The following BRI3 variants were observed in gnomAD, a reference collection of about 807,000 sequenced individuals.
BRI3 encodes the protein membrane protein BRI3.
A neutral mutation model predicts 12.8 loss-of-function variants in BRI3; 6 were observed. That is an observed-to-expected ratio of 0.47 (90% CI 0.26 to 0.93). The LOEUF (loss-of-function observed/expected upper bound fraction) is 0.93. BRI3 is among the 40% of genes least tolerant of loss of function. The probability of loss-of-function intolerance (pLI) is 0.15; values close to 1 mark genes in which losing one functional copy is unlikely to be tolerated. For synonymous variants in BRI3, 91 were observed against 76.1 expected (o/e 1.20, Z -1.02); for missense variants, 134 against 171.1 (o/e 0.78, Z 1.21).
At chr7:98,306,598 A>C in exon 1 of BRI3, 30 of 1,591,430 alleles carry the variant, frequency 1.9e-5, no homozygotes, top group Non-Finnish European at 2.4e-5. Flanking sequence ...GTGAGAGCTC[A>C]GGGCAGACAG....
At chr7:98,294,143 C>A, downstream of BRI3, 1 of 1,610,014 alleles carries the variant, frequency 6.2e-7, no homozygotes, top group South Asian at 1.1e-5. Flanking sequence ...TTATGGAGGG[C>A]TTAGAATTGG....
chr7:98,282,033 G>T lies in BRI3; in HGVS notation c.142+96G>T, dbSNP rs1204618582. 11 of 1,304,282 alleles carry T rather than the reference G, an allele frequency of 8.4e-6. No homozygotes were observed. In the South Asian group the frequency reaches 1.3e-4, roughly 16 times the overall value. 80.8% of individuals were successfully genotyped at this position (1,304,282 alleles called of 1,614,324 possible). ...GGAGGCGGGTGGGGCCCGCCCGGGG[G>T]TCCTTCCTGGAGCTGGAGGTCCCCG... On this transcript the variant is annotated intron_variant, in intron 1 of 2. Coordinates refer to ENST00000297290, the MANE Select transcript of BRI3 (RefSeq NM_015379.5).
At chr7:98,307,321 G>A (rs1373867307) in intron 1 of BRI3, 1 of 897,800 alleles carries the variant, frequency 1.1e-6, no homozygotes, top group African/African-American at 1.8e-5. Flanking sequence ...GGCCAGGCTG[G>A]TCTGGAACTC....
chr7:98,290,442 G>A (rs190546597), intron 2 of BRI3, among the ~76,000 whole-genome samples: 1,829 of 151,708 alleles, frequency 0.012, 27 homozygotes, highest in South Asian at 0.04. Context: ...TGATCCACCC[G>A]CCTCGGCCTC....
chr7:98,311,472 C>T (rs1359418576), downstream of BRI3, among the ~76,000 whole-genome samples: 1 of 151,026 alleles, frequency 6.6e-6, no homozygotes. Flanking sequence ...ACCCAGGAGA[C>T]GGAGCCTACA....
the BRI3 span, chr7:98,317,444 G>A: frequency 6.6e-7 from 1 of 1,509,330 alleles, no homozygotes; most frequent in Non-Finnish European, 9.0e-7. Context: ...CACTGTGTGT[G>A]GCTCAACGGG....
chr7:98,291,056 G>T (rs1489931096), intron 2 of BRI3, 55 bp from the exon 3 acceptor site: 1 of 1,605,596 alleles, frequency 6.2e-7, no homozygotes, highest in African/African-American at 1.3e-5. Context: ...AGGGGTGAGG[G>T]TTCTGGCTGC....
exon 2 of BRI3, chr7:98,307,730 C>A: frequency 6.2e-7 from 1 of 1,614,250 alleles, no homozygotes; most frequent in East Asian, 2.2e-5. Flanking sequence ...AGCCATCCTT[C>A]TCCTCGGGGA....
downstream of BRI3, among the ~76,000 whole-genome samples, chr7:98,313,283 C>T (rs919911626): frequency 2.6e-5 from 4 of 152,084 alleles, no homozygotes; most frequent in African/African-American, 4.8e-5. Context: ...TTCAGATACT[C>T]GAAGAAACTT....
At chr7:98,314,657 G>A (rs1002189498), downstream of BRI3, among the ~76,000 whole-genome samples, 2 of 152,138 alleles carry the variant, frequency 1.3e-5, no homozygotes, top group Non-Finnish European at 2.9e-5. Flanking sequence ...AGGAATGAAC[G>A]CATCACTGAG....
chr7:98,286,332 G>A (rs2116714624), intron 2 of BRI3, among the ~76,000 whole-genome samples: 1 of 152,374 alleles, frequency 6.6e-6, no homozygotes, highest in East Asian at 1.9e-4. Context: ...CTGAGTGGAT[G>A]ACAGTGGCAT....
At chr7:98,319,194 G>A in the BRI3 span, among the ~76,000 whole-genome samples, 6 of 152,138 alleles carry the variant, frequency 3.9e-5, no homozygotes, top group African/African-American at 9.7e-5. Context: ...ACTTTGGGTG[G>A]CAGGAGAAAG....
chr7:98,309,025 C>G (rs1321349273), exon 2 of BRI3: 1 of 151,956 alleles, frequency 6.6e-6, no homozygotes, highest in Non-Finnish European at 1.5e-5. Flanking sequence ...ATACAACAAG[C>G]ATCTTTAATT....
the BRI3 span, among the ~76,000 whole-genome samples, chr7:98,318,132 C>T: frequency 3.9e-5 from 6 of 152,176 alleles, no homozygotes; most frequent in Non-Finnish European, 8.8e-5. Context: ...GTTCACATTG[C>T]CCCCTTCATG....
chr7:98,320,899 C>T, the BRI3 span, among the ~76,000 whole-genome samples: 3 of 152,240 alleles, frequency 2.0e-5, no homozygotes, highest in South Asian at 2.1e-4. Flanking sequence ...CTCTGTCACG[C>T]AGGCTGGAGT....
chr7:98,284,762 T>C (rs957142983), intron 2 of BRI3, among the ~76,000 whole-genome samples: 6 of 152,188 alleles, frequency 3.9e-5, no homozygotes, highest in African/African-American at 1.4e-4. Flanking sequence ...CCTGACTCCA[T>C]CTTCCCTTTC....
intron 1 of BRI3, among the ~76,000 whole-genome samples, chr7:98,300,482 A>C (rs760594635): frequency 1.2e-4 from 19 of 152,250 alleles, no homozygotes; most frequent in Non-Finnish European, 2.6e-4. Flanking sequence ...AACAGCATGC[A>C]GATGACCGCG....
At chr7:98,314,749 G>A (rs1801009854), downstream of BRI3, among the ~76,000 whole-genome samples, 1 of 152,138 alleles carries the variant, frequency 6.6e-6, no homozygotes, top group Non-Finnish European at 1.5e-5. Flanking sequence ...GACCCATGAA[G>A]GGAGCATCTC....
chr7:98,287,856 C>T (rs1395139133), intron 2 of BRI3, among the ~76,000 whole-genome samples: 5 of 152,204 alleles, frequency 3.3e-5, no homozygotes, highest in African/African-American at 9.6e-5. Context: ...GCCCCATGGG[C>T]GGGCTCCAGC....
Sources: allele counts gnomAD v4.1 joint callset (sites outside exome capture counted in the v4.1 genomes callset), GRCh38; gene constraint gnomAD v4.1.1; transcripts MANE v1.5; gene names NCBI Gene and HGNC (gene_info 2026-07-23, HGNC 2026-07-21).